RABGAP1L: variants seen among roughly 807,000 people sequenced by gnomAD.
RABGAP1L encodes the protein RAB GTPase activating protein 1 like.
RABGAP1L carries 63 observed loss-of-function variants against 137.7 expected under a neutral mutation model. The ratio of observed to expected loss-of-function variants is 0.46; its 90% CI spans 0.37 to 0.56. The LOEUF is 0.56. RABGAP1L is among the 20% of genes least tolerant of loss of function. The pLI is 0.00. For synonymous variants in RABGAP1L, 431 were observed against 433.7 expected, an observed-to-expected ratio of 0.99 and a Z score of 0.08; for missense variants, 1,095 against 1,244.0, an observed-to-expected ratio of 0.88 and a Z score of 1.80.
At chr1:174,259,299 A>G (rs958234063) in intron 7 of RABGAP1L, among the ~76,000 whole-genome samples, 2 of 152,152 alleles carry the variant, frequency 1.3e-5, no homozygotes, top group African/African-American at 2.4e-5. Flanking sequence ...ATACTTAGCT[A>G]CTTACTCCTT....
intron 1 of RABGAP1L, among the ~76,000 whole-genome samples, chr1:174,211,596 G>A (rs1230511809): frequency 1.3e-5 from 2 of 152,014 alleles, no homozygotes; most frequent in Non-Finnish European, 2.9e-5. Flanking sequence ...CAGAAAACAA[G>A]TAACAGTTAT....
intron 19 of RABGAP1L, among the ~76,000 whole-genome samples, chr1:174,888,944 T>G (rs1467549175): frequency 6.6e-6 from 1 of 152,218 alleles, no homozygotes; most frequent in Non-Finnish European, 1.5e-5. Context: ...TTGTGACAAT[T>G]AAATACATTC....
At chr1:174,543,435 T>C (rs529929770) in intron 13 of RABGAP1L, among the ~76,000 whole-genome samples, 25 of 152,190 alleles carry the variant, frequency 1.6e-4, no homozygotes, top group Non-Finnish European at 3.2e-4. Flanking sequence ...TTTTTTGTTT[T>C]CCATTTGCTT....
At chr1:174,460,610 T>C (rs1174130550) in intron 13 of RABGAP1L, among the ~76,000 whole-genome samples, 1 of 152,130 alleles carries the variant, frequency 6.6e-6, no homozygotes, top group Non-Finnish European at 1.5e-5. Flanking sequence ...TATTTTAAGA[T>C]TATTTATGTA....
intron 13 of RABGAP1L, among the ~76,000 whole-genome samples, chr1:174,550,917 C>CACATAT (rs1553330147): frequency 2.1e-5 from 2 of 96,428 alleles, no homozygotes. Context: ...TATACACACA[C>CACATAT]ACACATATAT....
At chr1:174,190,694 T>C (rs1667152221) in intron 1 of RABGAP1L, among the ~76,000 whole-genome samples, 1 of 152,246 alleles carries the variant, frequency 6.6e-6, no homozygotes, top group Non-Finnish European at 1.5e-5. Context: ...GACTGGCACT[T>C]TAAATTTTTT....
chr1:174,848,642 A>AG (rs1240645215), intron 19 of RABGAP1L, among the ~76,000 whole-genome samples: 1 of 143,622 alleles, frequency 7.0e-6, no homozygotes, highest in African/African-American at 2.6e-5. Flanking sequence ...GCTGTCAGAC[A>AG]GGGACATTTA....
intron 19 of RABGAP1L, among the ~76,000 whole-genome samples, chr1:174,842,810 A>G (rs963962884): frequency 6.6e-6 from 1 of 152,186 alleles, no homozygotes; most frequent in Non-Finnish European, 1.5e-5. Flanking sequence ...AACTAGCATT[A>G]ACATCCAAAA....
chr1:174,742,448 C>G (rs367559386), intron 17 of RABGAP1L, among the ~76,000 whole-genome samples: 1 of 151,974 alleles, frequency 6.6e-6, no homozygotes, highest in South Asian at 2.1e-4. Context: ...GCCCAGGAGG[C>G]GGAGGTTGCA....
In RABGAP1L at chr1:174,252,557, A is replaced by G. The variant is rs1672797305; in HGVS notation, c.953A>G (p.Gln318Arg). The change falls in exon 7 of 26, where the codon CAG becomes CGG. Residue 318 changes from glutamine (Q) to arginine (R), a missense_variant. Physicochemically the swap from Gln to Arg is conservative, Grantham distance 43. Transcript: ENST00000681986. The stretch of plus-strand genomic sequence containing the variant: ...GAGAAGAAGGTTGTGATTACAGTGC[A>G]GCAACTTTCTAACAAAGAATTAGCT... Reference protein sequence around the residue: ...GIEKKVVITVQQLSNKELAIE... With the variant: ...GIEKKVVITVRQLSNKELAIE... 1.2e-6 allele frequency: 2 copies of G among 1,610,094 alleles called. No individual in the cohort carries two copies. The highest frequency in any genetic ancestry group is 1.3e-5 in the African/African-American group (1 of 74,682).
At chr1:174,974,656 C>T (rs1338412656) in intron 21 of RABGAP1L, among the ~76,000 whole-genome samples, 1 of 152,148 alleles carries the variant, frequency 6.6e-6, no homozygotes, top group African/African-American at 2.4e-5. Context: ...GGGACTTTTT[C>T]GCCTTAACTA....
At chr1:174,718,642 C>T (rs978038383) in intron 17 of RABGAP1L, among the ~76,000 whole-genome samples, 6 of 152,166 alleles carry the variant, frequency 3.9e-5, no homozygotes, top group Middle Eastern at 3.4e-3. Context: ...GGCAATAAAA[C>T]GTTCCTCCAG....
chr1:174,265,263 G>T (rs1054754553), intron 7 of RABGAP1L, among the ~76,000 whole-genome samples: 1 of 152,124 alleles, frequency 6.6e-6, no homozygotes, highest in Non-Finnish European at 1.5e-5. Context: ...TGAATGTCCT[G>T]TATTAGTCTT....
intron 18 of RABGAP1L, among the ~76,000 whole-genome samples, chr1:174,778,063 A>G (rs991972688): frequency 7.2e-5 from 11 of 152,210 alleles, no homozygotes; most frequent in African/African-American, 2.7e-4. Context: ...CAAGAAGTTT[A>G]GTGAATTCCA....
intron 17 of RABGAP1L, among the ~76,000 whole-genome samples, chr1:174,739,816 A>G (rs1683238629): frequency 6.6e-6 from 1 of 152,222 alleles, no homozygotes; most frequent in Admixed American, 6.5e-5. Context: ...ATATTTTTAC[A>G]GTTGAATGAA....
intron 18 of RABGAP1L, among the ~76,000 whole-genome samples, chr1:174,775,858 T>C (rs2148745476): frequency 6.6e-6 from 1 of 152,142 alleles, no homozygotes; most frequent in South Asian, 2.1e-4. Context: ...TCATCTCACA[T>C]CCAGTATACA....
rs113562743 is a variant in RABGAP1L, at chr1:174,765,917, C to T, written c.2211+13563C>T. Among the ~76,000 whole-genome samples the T allele has an allele frequency of 1.3e-3, 196 of 152,196 alleles. 1 individual carries two copies. Among genetic ancestry groups the T allele is most frequent in the African/African-American group, 4.6e-3 (191 of 41,516 alleles). Reference sequence around the variant, plus strand: ...TATGATGTAAGGCAGGGCATTATGGCTGAATCGTGTTTCCCCCCTACCCCC... The same window carrying T: ...TATGATGTAAGGCAGGGCATTATGGTTGAATCGTGTTTCCCCCCTACCCCC... On this transcript the variant is annotated intron_variant, in intron 18 of 25. Transcript: ENST00000681986.
In RABGAP1L at chr1:174,547,859, C is replaced by A. The variant is rs199836205; in HGVS notation, c.1711-89516C>A. On this transcript the variant is annotated intron_variant, in intron 13 of 25. Coordinates refer to ENST00000681986, the MANE Select transcript of RABGAP1L (RefSeq NM_001366446.1). ...TAGCAACAGATGAAATTTAGTCTTA[C>A]ACCGAGACAGACTATTCACCTAGTT... 324 of 1,537,900 alleles carry A rather than the reference C, an allele frequency of 2.1e-4. 1 individual carries two copies. Among genetic ancestry groups the A allele is most frequent in the Admixed American group, 1.2e-4 (6 of 50,948 alleles).
At chr1:174,537,950 A>T (rs1488648845) in intron 13 of RABGAP1L, among the ~76,000 whole-genome samples, 1 of 152,120 alleles carries the variant, frequency 6.6e-6, no homozygotes, top group African/African-American at 2.4e-5. Context: ...TCCACCTTTT[A>T]AAAATGCTGC....
Sources: gnomAD v4.1 joint callset for allele counts (sites outside exome capture counted in the v4.1 genomes callset) on GRCh38, gnomAD v4.1.1 for gene constraint, MANE v1.5 for transcripts, NCBI Gene and HGNC (gene_info 2026-07-23, HGNC 2026-07-21) for gene names.